The following PCDH9 variants were observed in gnomAD, a reference collection of about 807,000 sequenced individuals.
PCDH9 encodes the protein protocadherin 9, also known as protocadherin-9.
In PCDH9, 24 loss-of-function variants were observed where a neutral mutation model predicts 70.6. That is an observed-to-expected ratio of 0.34 (90% CI 0.25 to 0.48). PCDH9 has a LOEUF of 0.48. Among genes scored for constraint, PCDH9 ranks in the 20% least tolerant of loss-of-function variants. PCDH9 has a pLI of 0.99. For missense variants in PCDH9, 1,281 were observed against 1,503.6 expected (o/e 0.85, Z 2.45); for synonymous variants, 562 against 558.5 (o/e 1.01, Z -0.09).
At chr13:66,556,507 T>C (rs368788320) in intron 4 of PCDH9, among the ~76,000 whole-genome samples, 4 of 152,126 alleles carry the variant, frequency 2.6e-5, no homozygotes, top group African/African-American at 7.2e-5. Context: ...CAGATGACCC[T>C]GCCTAACTGC....
intron 2 of PCDH9, among the ~76,000 whole-genome samples, chr13:66,908,608 T>C (rs564647138): frequency 6.6e-4 from 101 of 152,318 alleles, no homozygotes; most frequent in Non-Finnish European, 1.1e-3. Flanking sequence ...ATAAAATTTA[T>C]ATTTTAAGTG....
At chr13:67,038,255 T>C (rs967675835) in intron 2 of PCDH9, among the ~76,000 whole-genome samples, 1 of 152,202 alleles carries the variant, frequency 6.6e-6, no homozygotes, top group Non-Finnish European at 1.5e-5. Context: ...CCTTTAACTT[T>C]GGATCCCAGT....
At chr13:66,381,572 C>A (rs1956848987) in intron 4 of PCDH9, among the ~76,000 whole-genome samples, 1 of 152,116 alleles carries the variant, frequency 6.6e-6, no homozygotes, top group Non-Finnish European at 1.5e-5. Context: ...ACAACAACAA[C>A]AAATGTGCCC....
intron 4 of PCDH9, among the ~76,000 whole-genome samples, chr13:66,340,844 A>T (rs934595438): frequency 2.0e-5 from 3 of 152,056 alleles, no homozygotes; most frequent in African/African-American, 7.3e-5. Flanking sequence ...GAATTACTAG[A>T]AATTATTGTA....
At chr13:67,086,236 T>C (rs1198553201) in intron 2 of PCDH9, among the ~76,000 whole-genome samples, 3 of 152,192 alleles carry the variant, frequency 2.0e-5, no homozygotes, top group Admixed American at 2.0e-4. Flanking sequence ...TTCCAATATA[T>C]ATCAATTTTA....
At chr13:66,513,413 A>G (rs1240004796) in intron 4 of PCDH9, among the ~76,000 whole-genome samples, 1 of 151,956 alleles carries the variant, frequency 6.6e-6, no homozygotes, top group Admixed American at 6.6e-5. Flanking sequence ...CTTTCAAACT[A>G]CCTGTCCCTA....
chr13:66,856,561 T>A (rs1429685555), intron 3 of PCDH9, among the ~76,000 whole-genome samples: 1 of 152,064 alleles, frequency 6.6e-6, no homozygotes, highest in Non-Finnish European at 1.5e-5. Flanking sequence ...AGGATATGTG[T>A]TTTTTCTCAT....
chr13:66,306,427 C>G (rs1211261500), intron 4 of PCDH9: 3 of 150,712 alleles, frequency 2.0e-5, no homozygotes, highest in Non-Finnish European at 4.4e-5. Flanking sequence ...TGTAGTTTTC[C>G]TGGGTACAAT....
At chr13:66,326,361 A>T (rs1267082283) in intron 4 of PCDH9, among the ~76,000 whole-genome samples, 1 of 151,630 alleles carries the variant, frequency 6.6e-6, no homozygotes, top group African/African-American at 2.4e-5. Context: ...ACACCAGAAC[A>T]ATTTCATAGA....
chr13:66,759,907 C>A (rs939052749), intron 3 of PCDH9, among the ~76,000 whole-genome samples: 18 of 152,054 alleles, frequency 1.2e-4, no homozygotes, highest in Admixed American at 1.3e-4. Flanking sequence ...TTAGAATATT[C>A]TAAATTTGAC....
chr13:67,225,293 C>T lies in PCDH9; in HGVS notation c.3036+112G>A, dbSNP rs1240507780. ...AAAGGGGTCAAGTTTTTTTTTACCT[C>T]TTTCTAACTAAGCTAAAGTTAGACC... On this transcript the variant is annotated intron_variant, in intron 2 of 4. Coordinates refer to ENST00000377865, the MANE Select transcript of PCDH9 (RefSeq NM_203487.3). 6 of 1,330,270 alleles carry T rather than the reference C, an allele frequency of 4.5e-6. No individual in the cohort carries two copies. The Admixed American group carries it at 6.7e-5, about 15-fold the overall frequency. 82.4% of individuals were successfully genotyped at this position (1,330,270 alleles called of 1,614,324 possible). A position where few individuals can be genotyped will look rare whatever the true frequency, so the allele number is the denominator to read the frequency against.
chr13:67,213,325 A>C (rs1201168007), intron 2 of PCDH9: 2 of 151,702 alleles, frequency 1.3e-5, no homozygotes, highest in East Asian at 3.9e-4. Flanking sequence ...GTATATAATA[A>C]ATATATCGCT....
At chr13:66,398,818 A>G (rs1456148180) in intron 4 of PCDH9, among the ~76,000 whole-genome samples, 3 of 152,180 alleles carry the variant, frequency 2.0e-5, no homozygotes, top group Non-Finnish European at 4.4e-5. Context: ...ACAAATATCA[A>G]AGATGATACA....
intron 3 of PCDH9, among the ~76,000 whole-genome samples, chr13:66,766,324 G>A (rs2079717442): frequency 6.6e-6 from 1 of 151,970 alleles, no homozygotes; most frequent in East Asian, 1.9e-4. Flanking sequence ...AGAAGAGGCT[G>A]TTCCTTGGAA....
chr13:66,346,393 G>C (rs1338384019), intron 4 of PCDH9, among the ~76,000 whole-genome samples: 1 of 152,002 alleles, frequency 6.6e-6, no homozygotes, highest in South Asian at 2.1e-4. Flanking sequence ...TGCATGTGCT[G>C]TGTGTGTGTG....
intron 2 of PCDH9, among the ~76,000 whole-genome samples, chr13:67,003,136 C>A (rs766454387): frequency 1.3e-5 from 2 of 152,064 alleles, no homozygotes; most frequent in East Asian, 3.9e-4. Flanking sequence ...ATTTAAGGAG[C>A]TTTCTCACAA....
chr13:66,899,496 G>C (rs546259483), intron 3 of PCDH9, among the ~76,000 whole-genome samples: 15 of 152,110 alleles, frequency 9.9e-5, no homozygotes, highest in African/African-American at 1.4e-4. Flanking sequence ...AAACCATTTT[G>C]TAAAATATTC....
chr13:66,360,573 G>A (rs2138192181), intron 4 of PCDH9, among the ~76,000 whole-genome samples: 1 of 152,202 alleles, frequency 6.6e-6, no homozygotes, highest in Admixed American at 6.6e-5. Flanking sequence ...GACAATATTT[G>A]AAAGTTGCTT....
At position 66,673,012 on chromosome 13, in the gene PCDH9, G is replaced by C. The variant is rs1222739936; in HGVS notation, c.3139-41601C>G. Among the ~76,000 whole-genome samples, 11 of 152,134 alleles carry C rather than the reference G, an allele frequency of 7.2e-5. 1 individual carries two copies. On this transcript the variant is annotated intron_variant, in intron 3 of 4. Coordinates refer to ENST00000377865, the MANE Select transcript of PCDH9 (RefSeq NM_203487.3). ...TTGAGTTAATGCTGAAATGAGTTAA[G>C]ACTTTGGGGGGCTGTTGGGAAGGCA...
Sources: gnomAD v4.1 joint callset for allele counts (sites outside exome capture counted in the v4.1 genomes callset) on GRCh38, gnomAD v4.1.1 for gene constraint, MANE v1.5 for transcripts, NCBI Gene and HGNC (gene_info 2026-07-23, HGNC 2026-07-21) for gene names.